The following MARCHF10 variants were observed in gnomAD, a reference collection of about 807,000 sequenced individuals.
MARCHF10 encodes probable E3 ubiquitin-protein ligase MARCHF10.
In MARCHF10, 64 loss-of-function variants were observed where a neutral mutation model predicts 76.2. That is an observed-to-expected ratio of 0.84 (90% CI 0.69 to 1.03). MARCHF10 has a LOEUF of 1.03. Among genes scored for constraint, MARCHF10 ranks in the 50% least tolerant of loss-of-function variants. The pLI is 0.00. For missense variants in MARCHF10, 875 were observed against 958.0 expected, an observed-to-expected ratio of 0.91 and a Z score of 1.14; for synonymous variants, 340 against 357.5, an observed-to-expected ratio of 0.95 and a Z score of 0.55.
rs766615791 is a variant in MARCHF10 at position 62,736,480 on chromosome 17, C to T, written c.1388G>A (p.Arg463Lys). 6.2e-7 allele frequency: 1 copy of T among 1,614,130 alleles called. No homozygotes were observed. Among genetic ancestry groups the T allele is most frequent in the Non-Finnish European group, 8.5e-7 (1 of 1,180,026 alleles). ...YFISGRPISPRSSVNSSYNPP... is the reference protein window; with the variant it reads ...YFISGRPISPKSSVNSSYNPP... ...GTTATAGGATGAATTCACTGATGATCTTGGAGATATTGGTCTGCCAGAAAT... is the reference window on the plus strand; with the variant it reads ...GTTATAGGATGAATTCACTGATGATTTTGGAGATATTGGTCTGCCAGAAAT... The change falls in exon 6 of 11, where the codon AGA becomes AAA. Residue 463 changes from arginine (R) to lysine (K), a missense_variant. Physicochemically the swap from Arg to Lys is conservative, Grantham distance 26 (BLOSUM62 2). Transcript: ENST00000311269.
intron 2 of MARCHF10, among the ~76,000 whole-genome samples, chr17:62,797,281 T>A (rs1328137747): frequency 6.6e-6 from 1 of 152,202 alleles, no homozygotes; most frequent in Non-Finnish European, 1.5e-5. Flanking sequence ...CTTGGCTCAC[T>A]GCAACCTCCG....
intron 4 of MARCHF10, among the ~76,000 whole-genome samples, chr17:62,747,828 G>A (rs1003328100): frequency 9.2e-5 from 14 of 152,066 alleles, no homozygotes; most frequent in African/African-American, 2.7e-4. Context: ...AATCCAAAAG[G>A]CAAATAGCAA....
At chr17:62,779,081 A>G (rs1420556124) in intron 3 of MARCHF10, among the ~76,000 whole-genome samples, 3 of 152,172 alleles carry the variant, frequency 2.0e-5, no homozygotes, top group African/African-American at 7.2e-5. Flanking sequence ...CAGGCTCCAG[A>G]TGCTGCGTGC....
chr17:62,805,354 G>A (rs904187865), intron 1 of MARCHF10, among the ~76,000 whole-genome samples: 3 of 152,178 alleles, frequency 2.0e-5, no homozygotes, highest in African/African-American at 7.2e-5. Context: ...CTGTGGGAAA[G>A]AGAAGCCTGT....
At chr17:62,704,042 G>C (rs1458243335) in intron 10 of MARCHF10, among the ~76,000 whole-genome samples, 1 of 151,272 alleles carries the variant, frequency 6.6e-6, no homozygotes, top group African/African-American at 2.4e-5. Context: ...GGCGGGGCTG[G>C]GGAGGGGGCG....
chr17:62,756,055 C>T (rs564899629), intron 4 of MARCHF10, among the ~76,000 whole-genome samples: 1 of 152,262 alleles, frequency 6.6e-6, no homozygotes, highest in South Asian at 2.1e-4. Context: ...TCAAGACCAG[C>T]CTGACCAACA....
At chr17:62,750,759 C>T (rs1237694941) in intron 4 of MARCHF10, among the ~76,000 whole-genome samples, 1 of 152,190 alleles carries the variant, frequency 6.6e-6, no homozygotes, top group Non-Finnish European at 1.5e-5. Flanking sequence ...CCAACAGTCT[C>T]CAGCGTCCCT....
At chr17:62,778,602 C>T (rs1220843526) in intron 3 of MARCHF10, among the ~76,000 whole-genome samples, 2 of 150,176 alleles carry the variant, frequency 1.3e-5, no homozygotes, top group East Asian at 2.0e-4. Flanking sequence ...TCATGGCGCA[C>T]GCCTGTAGTC....
chr17:62,723,036 G>A (rs772750624), intron 7 of MARCHF10, among the ~76,000 whole-genome samples: 8 of 150,694 alleles, frequency 5.3e-5, no homozygotes, highest in Admixed American at 2.7e-4. Context: ...AGCTATTCTC[G>A]ATCAATGGCT....
chr17:62,724,285 A>ATGTGGT (rs1310463586), intron 7 of MARCHF10, among the ~76,000 whole-genome samples: 1 of 151,126 alleles, frequency 6.6e-6, no homozygotes, highest in Non-Finnish European at 1.5e-5. Flanking sequence ...CGACCTACCG[A>ATGTGGT]TGTGGTTGTA....
chr17:62,746,798 C>T, intron 4 of MARCHF10: 1 of 1,044,934 alleles, frequency 9.6e-7, no homozygotes, highest in Non-Finnish European at 1.4e-6. Flanking sequence ...ATTCAAAGTT[C>T]CCACGCACCC....
At chr17:62,751,334 C>T (rs1308724558) in intron 4 of MARCHF10, among the ~76,000 whole-genome samples, 2 of 152,138 alleles carry the variant, frequency 1.3e-5, no homozygotes, top group Non-Finnish European at 2.9e-5. Flanking sequence ...AGCCTTGCTC[C>T]TTCAAAGGTG....
chr17:62,768,040 T>C (rs1437341876), intron 3 of MARCHF10, among the ~76,000 whole-genome samples: 1 of 152,184 alleles, frequency 6.6e-6, no homozygotes, highest in Non-Finnish European at 1.5e-5. Context: ...GAAAGTCATA[T>C]GTTGAAGACG....
At chr17:62,797,321 C>G (rs574077628) in intron 2 of MARCHF10, among the ~76,000 whole-genome samples, 1 of 152,276 alleles carries the variant, frequency 6.6e-6, no homozygotes, top group African/African-American at 2.4e-5. Flanking sequence ...TCTCCTGCCT[C>G]AGCCTCCTGA....
At chr17:62,775,506 T>TG (rs1568193260) in intron 3 of MARCHF10, among the ~76,000 whole-genome samples, 2 of 127,350 alleles carry the variant, frequency 1.6e-5, no homozygotes, top group African/African-American at 1.0e-4. Context: ...TGTCAGCCAC[T>TG]CGGGGGGGGG....
At chr17:62,702,749 A>G (rs962418913) in intron 10 of MARCHF10, among the ~76,000 whole-genome samples, 5 of 152,198 alleles carry the variant, frequency 3.3e-5, no homozygotes, top group African/African-American at 1.2e-4. Flanking sequence ...AGCAGGAGCA[A>G]CTGACATCCC....
chr17:62,720,821 G>C (rs2147684314), intron 8 of MARCHF10, among the ~76,000 whole-genome samples: 1 of 150,798 alleles, frequency 6.6e-6, no homozygotes, highest in South Asian at 2.1e-4. Flanking sequence ...GGTTTCCATA[G>C]AGCTTTCTGC....
rs372503255 is a variant in MARCHF10, at chr17:62,736,905, C to A, written c.963G>T (p.Gly321=). The A allele has an allele frequency of 2.5e-6, 4 of 1,613,968 alleles. No homozygotes were observed. Among genetic ancestry groups the A allele is most frequent in the Non-Finnish European group, 3.4e-6 (4 of 1,179,960 alleles). ...TATTTTTGGCCTGAGGGGTCGATGT[C>A]CCCCCAAATCTACTTCTTTTGTGAT... ...PSHHKRSRFG[G]TSTPQAKNKN... The change falls in exon 6 of 11, where the codon GGG becomes GGT. Residue 321 remains glycine (G), a synonymous_variant. Transcript: ENST00000311269.
chr17:62,775,715 A>G (rs1233005009), intron 3 of MARCHF10, among the ~76,000 whole-genome samples: 1 of 152,212 alleles, frequency 6.6e-6, no homozygotes, highest in Non-Finnish European at 1.5e-5. Flanking sequence ...GAAATGCTAT[A>G]TGTTATAAAA....
Sources: gnomAD v4.1 joint callset for allele counts (sites outside exome capture counted in the v4.1 genomes callset) on GRCh38, gnomAD v4.1.1 for gene constraint, MANE v1.5 for transcripts, NCBI Gene and HGNC (gene_info 2026-07-23, HGNC 2026-07-21) for gene names.